Variants in DEPDC5 observed in about 807,000 individuals in gnomAD.
DEPDC5 encodes GATOR1 complex protein DEPDC5.
A neutral mutation model predicts 217.3 loss-of-function variants in DEPDC5; 73 were observed. The ratio of observed to expected loss-of-function variants is 0.34; its 90% CI spans 0.28 to 0.41. The LOEUF (loss-of-function observed/expected upper bound fraction) is 0.41. DEPDC5 is among the 10% of genes least tolerant of loss of function. The pLI, the probability that DEPDC5 is intolerant of heterozygous loss-of-function variation, is 1.00. For missense variants in DEPDC5, 1,675 were observed against 2,070.1 expected, an observed-to-expected ratio of 0.81 and a Z score of 3.70; for synonymous variants, 733 against 756.7, an observed-to-expected ratio of 0.97 and a Z score of 0.51.
intron 39 of DEPDC5, among the ~76,000 whole-genome samples, chr22:31,895,109 A>C (rs1041904924): frequency 1.2e-4 from 17 of 144,588 alleles, no homozygotes; most frequent in Non-Finnish European, 2.5e-4. Flanking sequence ...GCGCCATTGC[A>C]CTCCAGCCTG....
Position 31,879,029 on chromosome 22 carries a change from C to G in DEPDC5, c.3806-496C>G, listed in dbSNP as rs866926404. Among the ~76,000 whole-genome samples, 5 of 68,184 alleles carry G rather than the reference C, an allele frequency of 7.3e-5. No individual in the cohort carries two copies. The Admixed American group carries it at 9.3e-4, about 13-fold the overall frequency. The allele number at this position is 68,184 out of a possible 152,430, so 44.7% of individuals were successfully genotyped here. Reference sequence around the variant, plus strand: ...TGGGCGACAGAGCGAGACTCCGTCTCAAAAAAAAAAAAAAATATATATATA... The same window carrying G: ...TGGGCGACAGAGCGAGACTCCGTCTGAAAAAAAAAAAAAAATATATATATA... On this transcript the variant is annotated intron_variant, in intron 37 of 42. Transcript: ENST00000651528.
At position 31,765,084 on chromosome 22, in the gene DEPDC5, A is replaced by T. The variant is rs200805553; in HGVS notation, c.279+24A>T. 4 of 1,587,382 alleles carry T rather than the reference A, an allele frequency of 2.5e-6. No individual in the cohort carries two copies. The Admixed American group carries it at 6.7e-5, about 27-fold the overall frequency. On this transcript the variant is annotated intron_variant, in intron 5 of 42. Coordinates refer to ENST00000651528, the MANE Select transcript of DEPDC5 (RefSeq NM_001242896.3). The stretch of plus-strand genomic sequence containing the variant: ...AGGTATGTCTTTGTTTTGTACTTGA[A>T]TATCTTTTTGGAATAAGCACCCTTC...
At chr22:31,772,402 A>T (rs2083442589) in intron 7 of DEPDC5, among the ~76,000 whole-genome samples, 1 of 152,122 alleles carries the variant, frequency 6.6e-6, no homozygotes, top group Non-Finnish European at 1.5e-5. Context: ...GGAAGCCTGG[A>T]TCTGTATCTG....
At chr22:31,852,535 C>G (rs1280495566) in intron 31 of DEPDC5, among the ~76,000 whole-genome samples, 1 of 152,046 alleles carries the variant, frequency 6.6e-6, no homozygotes, top group Non-Finnish European at 1.5e-5. Flanking sequence ...GATGGGTTTT[C>G]TCCGTGGTGG....
intron 31 of DEPDC5, 78 bp from the exon 32 acceptor site, chr22:31,857,367 G>A: frequency 8.1e-7 from 1 of 1,237,436 alleles, no homozygotes; most frequent in Non-Finnish European, 1.1e-6. Context: ...CAACAGAGCT[G>A]TCTGCATCTT....
At chr22:31,818,041 G>A (rs993182263) in intron 21 of DEPDC5, among the ~76,000 whole-genome samples, 2 of 152,080 alleles carry the variant, frequency 1.3e-5, no homozygotes, top group African/African-American at 4.8e-5. Flanking sequence ...ATTCCTTGGA[G>A]TTTGCATCTG....
chr22:31,849,723 A>G (rs1420217151), intron 31 of DEPDC5, among the ~76,000 whole-genome samples: 2 of 149,960 alleles, frequency 1.3e-5, no homozygotes, highest in East Asian at 2.0e-4. Context: ...GGAGGTTGCA[A>G]TGAGCTAAAA....
Position 31,802,831 on chromosome 22 carries a change from A to G in DEPDC5, c.1074A>G (p.Ile358Met), listed in dbSNP as rs1161069560. The change falls in exon 15 of 43, where the codon ATA becomes ATG. Residue 358 changes from isoleucine (I) to methionine (M), a missense_variant. Ile to Met is a conservative substitution (Grantham distance 10). This residue lies in a region of DEPDC5 where 628 missense variants were observed against 762.1 expected (regional missense o/e 0.82). Coordinates refer to ENST00000651528, the MANE Select transcript of DEPDC5 (RefSeq NM_001242896.3). ...LLMILTKQRM[I>M]DNGIGVDLVC... ...TGATCCTGACCAAGCAGCGGATGATAGATAATGGTAATGCTCTCTGGTTTG... is the reference window on the plus strand; with the variant it reads ...TGATCCTGACCAAGCAGCGGATGATGGATAATGGTAATGCTCTCTGGTTTG... 1 of 1,601,680 alleles carries G rather than the reference A, an allele frequency of 6.2e-7. No homozygotes were observed. The highest frequency in any genetic ancestry group is 8.5e-7 in the Non-Finnish European group (1 of 1,174,472).
chr22:31,795,794 G>T (rs976341828), intron 12 of DEPDC5, among the ~76,000 whole-genome samples: 1 of 148,604 alleles, frequency 6.7e-6, no homozygotes, highest in African/African-American at 2.5e-5. Flanking sequence ...GCAATGACAC[G>T]ATCTCAGCTC....
chr22:31,836,801 T>G, intron 25 of DEPDC5, 171 bp from the exon 26 acceptor site: 5 of 614,966 alleles, frequency 8.1e-6, no homozygotes, highest in Non-Finnish European at 1.1e-5. Flanking sequence ...CAAACTCTGT[T>G]TCTCTCTCTT....
chr22:31,903,806 G>C (rs1327493837), intron 41 of DEPDC5, among the ~76,000 whole-genome samples: 1 of 150,382 alleles, frequency 6.6e-6, no homozygotes, highest in Non-Finnish European at 1.5e-5. Flanking sequence ...TTTCCTCTCT[G>C]AATTCCTCTT....
At chr22:31,754,806 G>A in intron 1 of DEPDC5, 56 bp from the exon 2 acceptor site, 2 of 1,188,262 alleles carry the variant, frequency 1.7e-6, no homozygotes, top group Non-Finnish European at 2.5e-6. Context: ...AAATCAAAGA[G>A]TGGTTGCAAG....
intron 18 of DEPDC5, among the ~76,000 whole-genome samples, chr22:31,808,295 C>T (rs2087803375): frequency 6.7e-6 from 1 of 148,726 alleles, no homozygotes; most frequent in African/African-American, 2.5e-5. Context: ...GTCTCTCTCT[C>T]TGTGGCCCAG....
intron 7 of DEPDC5, among the ~76,000 whole-genome samples, chr22:31,772,497 A>C (rs534360001): frequency 6.6e-6 from 1 of 152,296 alleles, no homozygotes; most frequent in South Asian, 2.1e-4. Flanking sequence ...TCACATCTGC[A>C]AAATGGAGTA....
At chr22:31,865,671 CAG>C (rs2095646596) in intron 33 of DEPDC5, among the ~76,000 whole-genome samples, 1 of 152,174 alleles carries the variant, frequency 6.6e-6, no homozygotes, top group African/African-American at 2.4e-5. Flanking sequence ...TGGGAAATAA[CAG>C]GGATGAATAA....
intron 2 of DEPDC5, among the ~76,000 whole-genome samples, chr22:31,756,038 A>ATTTTTT (rs35222514): frequency 3.4e-5 from 4 of 116,864 alleles, no homozygotes; most frequent in Non-Finnish European, 3.6e-5. Context: ...ACACCTGGCT[A>ATTTTTT]TTTTTTTTTT....
At chr22:31,858,279 T>G (rs1215687357) in intron 32 of DEPDC5, 3 of 151,878 alleles carry the variant, frequency 2.0e-5, no homozygotes, top group Admixed American at 1.3e-4. Flanking sequence ...CAAATGGGAG[T>G]ATCCTGGGGT....
chr22:31,792,158 A>C (rs1601875987), intron 11 of DEPDC5, 56 bp downstream of exon 11: 237 of 1,263,310 alleles, frequency 1.9e-4, no homozygotes, highest in East Asian at 3.3e-4. Context: ...CCCCAACCCC[A>C]CCCCAGCCAT....
chr22:31,770,547 A>ATTTTTTTTTTTTTTTTTTT (rs34409975), intron 7 of DEPDC5, among the ~76,000 whole-genome samples: 10 of 133,462 alleles, frequency 7.5e-5, no homozygotes, highest in Non-Finnish European at 1.3e-4. Context: ...CACGTAGCTA[A>ATTTTTTTTTTTTTTTTTTT]TTTTTTTTTT....
Sources: gnomAD v4.1 joint callset for allele counts (sites outside exome capture counted in the v4.1 genomes callset) on GRCh38, gnomAD v4.1.1 for gene constraint, gnomAD v4.1.1 regional missense constraint, MANE v1.5 for transcripts, NCBI Gene and HGNC (gene_info 2026-07-23, HGNC 2026-07-21) for gene names.